Variants in SERINC3 observed in about 807,000 individuals in gnomAD.
The protein encoded by SERINC3 is serine incorporator 3.
In SERINC3, 22 loss-of-function variants were observed where a neutral mutation model predicts 52.1. The ratio of observed to expected loss-of-function variants is 0.42; its 90% CI spans 0.30 to 0.60. The LOEUF is 0.60. Ranked by LOEUF, SERINC3 falls within the 20% of genes least tolerant of loss-of-function variation. SERINC3 has a pLI of 0.16. For missense variants in SERINC3, 564 were observed against 584.6 expected (o/e 0.96, Z 0.36); for synonymous variants, 226 against 212.7 (o/e 1.06, Z -0.54).
intron 3 of SERINC3, 37 bp downstream of exon 3, chr20:44,512,764 A>G (rs751925847): frequency 2.0e-6 from 3 of 1,492,898 alleles, no homozygotes; most frequent in Admixed American, 2.6e-5. Flanking sequence ...GAAGAGCCAC[A>G]CCATAATGTA....
chr20:44,519,299 C>T lies in SERINC3; in HGVS notation c.39+2614G>A, dbSNP rs1177740723. 19 of 242,344 alleles carry T rather than the reference C, an allele frequency of 7.8e-5. No individual in the cohort carries two copies. In the Admixed American group the frequency reaches 1.0e-3, roughly 13 times the overall value. 15.0% of individuals were successfully genotyped at this position (242,344 alleles called of 1,614,324 possible). On this transcript the variant is annotated intron_variant, in intron 1 of 9. Coordinates refer to ENST00000342374, the MANE Select transcript of SERINC3 (RefSeq NM_006811.4). ...TTAAGAGTAAAAGCCGGGCAAGACG[C>T]GGTGGCTCACACCTGTAATCCAAGC...
Position 44,511,246 on chromosome 20 carries a change from G to GT in SERINC3, c.475+42dup, listed in dbSNP as rs761756885. 2.2e-6 allele frequency: 3 copies of GT among 1,336,350 alleles called. No individual in the cohort carries two copies. The East Asian group carries it at 6.9e-5, about 31-fold the overall frequency. The allele number at this position is 1,336,350 out of a possible 1,614,324, so 82.8% of individuals were successfully genotyped here. Reference sequence around the variant, plus strand: ...TAGCTTTAACTCAATCATCTATAGAGTTTATATAGTTTAAAATTAACCCCC... The same window carrying GT: ...TAGCTTTAACTCAATCATCTATAGAGTTTTATATAGTTTAAAATTAACCCCC... On this transcript the variant is annotated intron_variant, in intron 4 of 9. Coordinates refer to ENST00000342374, the MANE Select transcript of SERINC3 (RefSeq NM_006811.4).
At position 44,506,849 on chromosome 20, in the gene SERINC3, A is replaced by G. The variant is rs1306894649; in HGVS notation, c.761T>C (p.Ile254Thr). The G allele has an allele frequency of 1.3e-6, 2 of 1,589,920 alleles. No homozygotes were observed. The highest frequency in any genetic ancestry group is 2.3e-5 in the East Asian group (1 of 44,288). ...NLILCVVASI[I>T]SIHPKIQEHQ... The stretch of plus-strand genomic sequence containing the variant: ...TACCTGAATTTTTGGGTGGATCGAT[A>G]TAATAGAAGCCACAACGCAAAGGAT... The change falls in exon 6 of 10, where the codon ATA becomes ACA. Residue 254 changes from isoleucine (I) to threonine (T), a missense_variant. Physicochemically the swap from Ile to Thr is moderately conservative, Grantham distance 89. Transcript: ENST00000342374.
chr20:44,512,035 G>A (rs1412902217), intron 3 of SERINC3, among the ~76,000 whole-genome samples: 3 of 152,180 alleles, frequency 2.0e-5, no homozygotes, highest in Non-Finnish European at 4.4e-5. Flanking sequence ...AAATACGGCT[G>A]GGCACAGTGG....
rs569869913 is a variant in SERINC3 at position 44,498,125 on chromosome 20, A to T, written c.*2171T>A. 8 of 152,148 alleles carry T rather than the reference A, an allele frequency of 5.3e-5. No homozygotes were observed. The highest frequency in any genetic ancestry group is 2.0e-4 in the Admixed American group (3 of 15,276). The allele number at this position is 152,148 out of a possible 1,614,324, so 9.4% of individuals were successfully genotyped here. ...AGTCTGACTCCCAAGCCTCTTAACC[A>T]TTCTTAAGAGACCACCTACCTCCAT... On this transcript the variant is annotated 3_prime_UTR_variant, in exon 10 of 10. Coordinates refer to ENST00000342374, the MANE Select transcript of SERINC3 (RefSeq NM_006811.4).
intron 5 of SERINC3, among the ~76,000 whole-genome samples, chr20:44,507,800 T>C (rs902529502): frequency 1.3e-5 from 2 of 152,086 alleles, no homozygotes; most frequent in African/African-American, 2.4e-5. Context: ...GCCCAAGACA[T>C]AGAGGTTGCA....
At position 44,504,755 on chromosome 20, in the gene SERINC3, C is replaced by T. The variant is rs772568258; in HGVS notation, c.874+46G>A. 24 of 1,482,072 alleles carry T rather than the reference C, an allele frequency of 1.6e-5. No individual in the cohort carries two copies. In the Middle Eastern group the frequency reaches 7.9e-4, roughly 49 times the overall value. The allele number at this position is 1,482,072 out of a possible 1,614,324, so 91.8% of individuals were successfully genotyped here. On this transcript the variant is annotated intron_variant, in intron 7 of 9. Transcript: ENST00000342374. ...GTACCAACTATGTAAAGGCTGATTT[C>T]CTACTTTCTTTTTATCAAATGAATG...
Position 44,503,935 on chromosome 20 carries a change from G to C in SERINC3, c.935C>G (p.Ala312Gly), listed in dbSNP as rs978815135. 9 of 1,606,386 alleles carry C rather than the reference G, an allele frequency of 5.6e-6. No individual in the cohort carries two copies. In the East Asian group the frequency reaches 6.8e-5, roughly 12 times the overall value. The change falls in exon 8 of 10, where the codon GCT becomes GGT. Residue 312 changes from alanine (A) to glycine (G), a missense_variant. Transcript: ENST00000342374. ...GACCACAGCAGTTGAATTTCCAGGAGCCAGGGTTGGTGCAGTTATGCGTGT... is the reference window on the plus strand; with the variant it reads ...GACCACAGCAGTTGAATTTCCAGGACCCAGGGTTGGTGCAGTTATGCGTGT... ...FITRITAPTL[A>G]PGNSTAVVPT... is the part of the protein sequence containing the mutation.
downstream of SERINC3, chr20:44,496,377 C>T (rs2064249467): frequency 6.6e-6 from 1 of 152,330 alleles, no homozygotes; most frequent in Non-Finnish European, 1.5e-5. Context: ...GACGGACAGA[C>T]CAACACAACA....
intron 1 of SERINC3, among the ~76,000 whole-genome samples, chr20:44,518,834 C>T (rs1170573231): frequency 6.6e-6 from 1 of 152,064 alleles, no homozygotes; most frequent in East Asian, 1.9e-4. Flanking sequence ...CGTGGTGGCA[C>T]ATGCCTGTAA....
chr20:44,520,758 T>A (rs2064411553), intron 1 of SERINC3, among the ~76,000 whole-genome samples: 1 of 152,122 alleles, frequency 6.6e-6, no homozygotes, highest in African/African-American at 2.4e-5. Context: ...AATCTAAAAT[T>A]AAAAATACAT....
At chr20:44,507,152 A>C (rs975527131) in intron 5 of SERINC3, among the ~76,000 whole-genome samples, 156 bp from the exon 6 acceptor site, 1 of 152,232 alleles carries the variant, frequency 6.6e-6, no homozygotes, top group Non-Finnish European at 1.5e-5. Context: ...TTAAAGTATC[A>C]AGATTGTATT....
intron 1 of SERINC3, among the ~76,000 whole-genome samples, chr20:44,518,458 A>C (rs1020822127): frequency 6.6e-6 from 1 of 152,092 alleles, no homozygotes; most frequent in Non-Finnish European, 1.5e-5. Context: ...GACTAAAAGC[A>C]GCAACTTCTG....
intron 9 of SERINC3, 72 bp from the exon 10 acceptor site, chr20:44,500,506 C>T (rs2064273002): frequency 6.6e-7 from 1 of 1,521,006 alleles, no homozygotes; most frequent in African/African-American, 1.4e-5. Flanking sequence ...TGCAGCCCCC[C>T]AGCCAAGGCC....
Position 44,517,958 on chromosome 20 carries a change from C to G in SERINC3, c.40-3918G>C, listed in dbSNP as rs80192383. On this transcript the variant is annotated intron_variant, in intron 1 of 9. Transcript: ENST00000342374. The stretch of plus-strand genomic sequence containing the variant: ...AACTCCATTCTTCCTGTTGCTTGGG[C>G]CCAAAACCTGGAGTCATCCCGAATG... 2.8e-3 allele frequency among the ~76,000 whole-genome samples: 421 copies of G among 152,250 alleles called. 6 individuals carry two copies. Among genetic ancestry groups the G allele is most frequent in the African/African-American group, 9.6e-3 (398 of 41,538 alleles).
intron 1 of SERINC3, 120 bp downstream of exon 1, chr20:44,521,793 T>C: frequency 9.6e-7 from 1 of 1,040,036 alleles, no homozygotes; most frequent in South Asian, 1.4e-5. Context: ...GGAGACCCTC[T>C]GTAGCCCAGG....
At chr20:44,502,061 T>C (rs1480076342) in intron 8 of SERINC3, among the ~76,000 whole-genome samples, 41 of 152,098 alleles carry the variant, frequency 2.7e-4, no homozygotes, top group Admixed American at 2.7e-3. Flanking sequence ...CCCCCTGAGA[T>C]CAGGAACAAG....
Position 44,503,923 on chromosome 20 carries a change from G to A in SERINC3, c.947C>T (p.Ser316Leu). The A allele has an allele frequency of 1.2e-6, 2 of 1,605,926 alleles. No individual in the cohort carries two copies. Among genetic ancestry groups the A allele is most frequent in the South Asian group, 1.1e-5 (1 of 89,128 alleles). Residue 316 changes from serine to leucine, a missense_variant, in exon 8 of 10, where the codon TCA becomes TTA. By Grantham distance (145) the Ser-to-Leu change is moderately radical. Coordinates refer to ENST00000342374, the MANE Select transcript of SERINC3 (RefSeq NM_006811.4). ...ITAPTLAPGN[S>L]TAVVPTPTPP... ...AGTAGGGGTAGGGACCACAGCAGTT[G>A]AATTTCCAGGAGCCAGGGTTGGTGC...
chr20:44,519,009 C>G (rs1179291976), intron 1 of SERINC3, among the ~76,000 whole-genome samples: 2 of 151,932 alleles, frequency 1.3e-5, no homozygotes, highest in African/African-American at 4.8e-5. Flanking sequence ...CTAACCGCCC[C>G]CTTTGAGTTA....
Sources: allele counts gnomAD v4.1 joint callset (sites outside exome capture counted in the v4.1 genomes callset), GRCh38; gene constraint gnomAD v4.1.1; transcripts MANE v1.5; gene names NCBI Gene and HGNC (gene_info 2026-07-23, HGNC 2026-07-21).